The following DPP6 variants were observed in gnomAD, a reference collection of about 807,000 sequenced individuals.
DPP6 encodes the protein A-type potassium channel modulatory protein DPP6.
Under a neutral mutation model 122.6 loss-of-function variants are expected in DPP6, and 69 were observed. That is an observed-to-expected ratio of 0.56 (90% CI 0.46 to 0.69). The LOEUF is 0.69. Ranked by LOEUF, DPP6 falls within the 30% of genes least tolerant of loss-of-function variation. The probability of loss-of-function intolerance (pLI) is 0.00; values close to 1 mark genes in which losing one functional copy is unlikely to be tolerated. For synonymous variants in DPP6, 418 were observed against 433.1 expected (o/e 0.97, Z 0.43); for missense variants, 928 against 1,116.9 (o/e 0.83, Z 2.41).
At chr7:154,451,398 C>A (rs1303115717) in intron 2 of DPP6, among the ~76,000 whole-genome samples, 3 of 151,012 alleles carry the variant, frequency 2.0e-5, no homozygotes, top group African/African-American at 7.3e-5. Context: ...TAAATGGCTG[C>A]CCGGAGCTTC....
In DPP6 at chr7:154,880,920, C is replaced by T. The variant is rs750744386; in HGVS notation, c.2111C>T (p.Thr704Met). The T allele has an allele frequency of 8.7e-6, 14 of 1,613,818 alleles. No individual in the cohort carries two copies. Among genetic ancestry groups the T allele is most frequent in the South Asian group, 3.3e-5 (3 of 91,074 alleles). Residue 704 changes from threonine to methionine, a missense_variant, in exon 21 of 26, where the codon ACG (threonine) becomes ATG (methionine). Physicochemically the swap from Thr to Met is moderately conservative, Grantham distance 81 (BLOSUM62 -1). Coordinates refer to ENST00000377770, the MANE Select transcript of DPP6 (RefSeq NM_130797.4). ...TMLKEQYIDRTRVAVFGKDYG... is the reference protein window; with the variant it reads ...TMLKEQYIDRMRVAVFGKDYG... ...CTGAAGGAGCAGTACATTGACAGGA[C>T]GCGCGTGGCCGTGTTTGGGAAGGTG...
intron 1 of DPP6, among the ~76,000 whole-genome samples, chr7:154,297,547 C>A (rs1805622936): frequency 6.6e-6 from 1 of 152,186 alleles, no homozygotes; most frequent in South Asian, 2.1e-4. Flanking sequence ...ACTCTGAACA[C>A]AATGGATAGG....
At position 154,801,053 on chromosome 7, in the gene DPP6, C is replaced by T. The variant is rs1437375436; in HGVS notation, c.1300-302C>T. ...CAGAGTTCCTGTTCTCACTGGTGAGCTTGGCGTGCACATGGGGCTGGGCTT... is the reference window on the plus strand; with the variant it reads ...CAGAGTTCCTGTTCTCACTGGTGAGTTTGGCGTGCACATGGGGCTGGGCTT... On this transcript the variant is annotated intron_variant, in intron 12 of 25. Transcript: ENST00000377770. Among the ~76,000 whole-genome samples the T allele has an allele frequency of 2.6e-5, 4 of 151,558 alleles. No individual in the cohort carries two copies. In the South Asian group the frequency reaches 6.3e-4, roughly 24 times the overall value.
chr7:154,685,203 C>A (rs1839524148), intron 7 of DPP6, among the ~76,000 whole-genome samples: 1 of 152,180 alleles, frequency 6.6e-6, no homozygotes, highest in Non-Finnish European at 1.5e-5. Context: ...AAGAAAAATG[C>A]CAATGTATTC....
At chr7:154,350,686 C>G (rs888666079) in intron 1 of DPP6, among the ~76,000 whole-genome samples, 1 of 152,172 alleles carries the variant, frequency 6.6e-6, no homozygotes, top group Non-Finnish European at 1.5e-5. Context: ...ATGGGACTAT[C>G]AGGTTCAACT....
chr7:154,702,451 C>A (rs1840580309), intron 7 of DPP6, among the ~76,000 whole-genome samples: 1 of 152,222 alleles, frequency 6.6e-6, no homozygotes, highest in African/African-American at 2.4e-5. Flanking sequence ...AAGGAAAAGT[C>A]TTTGAAGAAA....
chr7:154,783,882 C>T (rs979953466), intron 10 of DPP6, among the ~76,000 whole-genome samples: 1 of 152,142 alleles, frequency 6.6e-6, no homozygotes, highest in Non-Finnish European at 1.5e-5. Context: ...ACCAGAAGGG[C>T]TGGAAAAGGG....
At chr7:154,534,186 G>A (rs957661350) in intron 3 of DPP6, among the ~76,000 whole-genome samples, 10 of 151,914 alleles carry the variant, frequency 6.6e-5, no homozygotes, top group Non-Finnish European at 7.4e-5. Flanking sequence ...AATAATCAGC[G>A]TTTTATGATA....
At chr7:154,522,080 C>G (rs1029535673) in intron 3 of DPP6, among the ~76,000 whole-genome samples, 4 of 152,174 alleles carry the variant, frequency 2.6e-5, no homozygotes, top group African/African-American at 9.7e-5. Flanking sequence ...TCTCCTGTTT[C>G]AGCTTCCCGG....
chr7:153,867,457 T>C, the DPP6 span, among the ~76,000 whole-genome samples: 6 of 152,312 alleles, frequency 3.9e-5, no homozygotes, highest in Non-Finnish European at 7.3e-5. Context: ...TGTTTGTCTG[T>C]TATTGGTGTA....
the DPP6 span, among the ~76,000 whole-genome samples, chr7:153,837,837 A>ATTTTTTTTTTTTTTTTTTTTTT: frequency 2.4e-4 from 19 of 80,638 alleles, 2 homozygotes; most frequent in Admixed American, 7.6e-4. Context: ...TGCCTGGTTA[A>ATTTTTTTTTTTTTTTTTTTTTT]TTTTTTTTTT....
At chr7:154,267,729 ATATG>A (rs1459579978) in intron 1 of DPP6, among the ~76,000 whole-genome samples, 3 of 98,744 alleles carry the variant, frequency 3.0e-5, no homozygotes, top group Non-Finnish European at 6.1e-5. Flanking sequence ...ACATACATAT[ATATG>A]TGTGTGTATA....
chr7:154,046,866 A>T (rs1800041043), intron 1 of DPP6, among the ~76,000 whole-genome samples: 1 of 151,736 alleles, frequency 6.6e-6, no homozygotes, highest in African/African-American at 2.4e-5. Context: ...AATACACTAT[A>T]CCCCCTTCCT....
intron 8 of DPP6, among the ~76,000 whole-genome samples, chr7:154,744,329 C>A (rs1330700093): frequency 1.3e-5 from 2 of 152,210 alleles, no homozygotes; most frequent in Admixed American, 6.5e-5. Flanking sequence ...GAATGAAAAT[C>A]TGAGCGATCA....
chr7:154,487,704 T>C (rs59973966), intron 3 of DPP6, among the ~76,000 whole-genome samples: 13,604 of 152,222 alleles, frequency 0.089, 1,822 homozygotes, highest in African/African-American at 0.29. Context: ...CACGATGATA[T>C]TCACATGAGC....
intron 5 of DPP6, among the ~76,000 whole-genome samples, chr7:154,620,930 G>A (rs1834607357): frequency 1.3e-5 from 2 of 152,170 alleles, no homozygotes; most frequent in African/African-American, 2.4e-5. Context: ...TCAAATTAAT[G>A]CCATTTTAGG....
intron 1 of DPP6, among the ~76,000 whole-genome samples, chr7:153,906,584 G>A (rs1452197478): frequency 6.6e-6 from 1 of 152,112 alleles, no homozygotes; most frequent in Non-Finnish European, 1.5e-5. Context: ...CTGAGTAGCT[G>A]GGACCACAGG....
intron 1 of DPP6, among the ~76,000 whole-genome samples, chr7:153,906,413 A>G (rs1169586757): frequency 1.3e-5 from 2 of 152,098 alleles, no homozygotes; most frequent in African/African-American, 4.8e-5. Context: ...CTGTGTATCC[A>G]TTGTTTAACT....
intron 1 of DPP6, among the ~76,000 whole-genome samples, chr7:154,438,872 G>A (rs1327608780): frequency 6.6e-6 from 1 of 152,132 alleles, no homozygotes; most frequent in Non-Finnish European, 1.5e-5. Flanking sequence ...TTTGACCTAG[G>A]TTAGGCCAAT....
Sources: allele counts gnomAD v4.1 joint callset (sites outside exome capture counted in the v4.1 genomes callset), GRCh38; gene constraint gnomAD v4.1.1; transcripts MANE v1.5; gene names NCBI Gene and HGNC (gene_info 2026-07-23, HGNC 2026-07-21).